The following PTPRD variants were observed in gnomAD, a reference collection of about 807,000 sequenced individuals.
The protein encoded by PTPRD is protein tyrosine phosphatase receptor type D.
In PTPRD, 34 loss-of-function variants were observed where a neutral mutation model predicts 214.5. The observed-to-expected ratio is 0.16, with a 90% CI of 0.12 to 0.21. The LOEUF is 0.21. PTPRD is among the 10% of genes least tolerant of loss of function. PTPRD has a pLI of 1.00. For missense variants in PTPRD, 2,545 were observed against 2,398.7 expected (o/e 1.06, Z -1.27); for synonymous variants, 1,128 against 845.7 (o/e 1.33, Z -5.79).
intron 7 of PTPRD, among the ~76,000 whole-genome samples, chr9:9,642,559 G>C (rs1391685532): frequency 1.3e-5 from 2 of 152,064 alleles, no homozygotes; most frequent in African/African-American, 4.8e-5. Context: ...CTCTGTAACT[G>C]TTTGCAGATA....
At chr9:10,135,984 G>A (rs1360702024) in intron 3 of PTPRD, among the ~76,000 whole-genome samples, 1 of 149,756 alleles carries the variant, frequency 6.7e-6, no homozygotes, top group Non-Finnish European at 1.5e-5. Flanking sequence ...TTGCCTTCAA[G>A]AGACCCACGT....
chr9:8,977,313 A>G (rs946178623), intron 11 of PTPRD, among the ~76,000 whole-genome samples: 2 of 152,038 alleles, frequency 1.3e-5, no homozygotes, highest in African/African-American at 4.8e-5. Context: ...TATCATCCCT[A>G]ATCAAAATAC....
intron 3 of PTPRD, among the ~76,000 whole-genome samples, chr9:10,279,651 T>TA (rs1319469929): frequency 6.6e-6 from 1 of 151,398 alleles, no homozygotes; most frequent in Non-Finnish European, 1.5e-5. Flanking sequence ...ATTTATTAGG[T>TA]ACCTAGGTAC....
chr9:10,308,033 AT>A (rs529687339), intron 3 of PTPRD, among the ~76,000 whole-genome samples: 12 of 150,956 alleles, frequency 7.9e-5, no homozygotes, highest in Admixed American at 4.0e-4. Flanking sequence ...CACTTTCTTG[AT>A]TTTTTTTCCC....
chr9:9,898,727 T>A (rs1198956836), intron 5 of PTPRD, among the ~76,000 whole-genome samples: 2 of 152,094 alleles, frequency 1.3e-5, no homozygotes, highest in African/African-American at 4.8e-5. Flanking sequence ...AAGTCTAGTT[T>A]AAGAAACCAT....
chr9:9,015,115 A>T (rs937747713), intron 11 of PTPRD, among the ~76,000 whole-genome samples: 5 of 151,962 alleles, frequency 3.3e-5, no homozygotes, highest in South Asian at 2.1e-4. Context: ...GATAGCTTTT[A>T]AAAAAATTAA....
chr9:8,877,477 CAAT>C (rs1325766789), intron 11 of PTPRD, among the ~76,000 whole-genome samples: 2 of 152,008 alleles, frequency 1.3e-5, no homozygotes, highest in South Asian at 2.1e-4. Context: ...GAATTCAGAG[CAAT>C]AATAAATTAA....
chr9:8,585,872 A>T (rs2093614604), intron 14 of PTPRD, among the ~76,000 whole-genome samples: 1 of 152,222 alleles, frequency 6.6e-6, no homozygotes, highest in African/African-American at 2.4e-5. Flanking sequence ...AAACATTGTT[A>T]TGGAGTCAGT....
chr9:9,902,666 G>A (rs1315547838), intron 5 of PTPRD, among the ~76,000 whole-genome samples: 3 of 152,092 alleles, frequency 2.0e-5, no homozygotes, highest in Non-Finnish European at 2.9e-5. Flanking sequence ...AGGTATTATT[G>A]ATAACACATT....
intron 2 of PTPRD, among the ~76,000 whole-genome samples, chr9:10,453,443 A>G (rs1339715541): frequency 6.6e-6 from 1 of 151,664 alleles, no homozygotes; most frequent in Non-Finnish European, 1.5e-5. Context: ...ATTCACAACC[A>G]TGGGATTTCT....
At chr9:9,203,248 A>C (rs555629532) in intron 9 of PTPRD, among the ~76,000 whole-genome samples, 65 of 150,714 alleles carry the variant, frequency 4.3e-4, no homozygotes, top group African/African-American at 1.5e-3. Context: ...CACACACACA[A>C]ACACACACAC....
chr9:8,558,215 T>A (rs2084754396), intron 14 of PTPRD, among the ~76,000 whole-genome samples: 1 of 152,246 alleles, frequency 6.6e-6, no homozygotes, highest in South Asian at 2.1e-4. Context: ...GGATCATTAA[T>A]TAGCTATTTC....
chr9:9,296,558 G>T (rs1953126205), intron 9 of PTPRD, among the ~76,000 whole-genome samples: 1 of 151,652 alleles, frequency 6.6e-6, no homozygotes, highest in Admixed American at 6.6e-5. Flanking sequence ...GAAAGAAATG[G>T]GGATAGAGTG....
chr9:9,505,348 T>G (rs369750108), intron 8 of PTPRD, among the ~76,000 whole-genome samples: 1 of 151,524 alleles, frequency 6.6e-6, no homozygotes, highest in African/African-American at 2.4e-5. Flanking sequence ...ATCGTGTTGG[T>G]CTACTTTGCC....
intron 10 of PTPRD, among the ~76,000 whole-genome samples, chr9:9,084,471 T>G (rs964178338): frequency 3.3e-5 from 5 of 152,072 alleles, no homozygotes; most frequent in African/African-American, 1.2e-4. Context: ...GTTGATGGGT[T>G]CAGCAAACCA....
At chr9:10,308,513 T>C (rs528388036) in intron 3 of PTPRD, among the ~76,000 whole-genome samples, 3 of 151,816 alleles carry the variant, frequency 2.0e-5, no homozygotes, top group African/African-American at 7.3e-5. Flanking sequence ...CCAGCTTTGT[T>C]CTTTGTGTTC....
In PTPRD at chr9:8,636,800, A is replaced by C; in HGVS notation, c.109T>G (p.Ser37Ala). 6.2e-7 allele frequency: 1 copy of C among 1,614,110 alleles called. No individual in the cohort carries two copies. The highest frequency in any genetic ancestry group is 8.5e-7 in the Non-Finnish European group (1 of 1,179,958). The change falls in exon 13 of 46, where the codon TCT becomes GCT. Residue 37 changes from serine to alanine, a missense_variant. Ser to Ala is a moderately conservative substitution (Grantham distance 99). Coordinates refer to ENST00000381196, the MANE Select transcript of PTPRD (RefSeq NM_002839.4). ...CAGATGAAAGAGGCAACTCCGCCAG[A>C]GACCCCTGTCTGATCAACGGGTGTT... is the stretch of plus-strand genomic sequence containing the variant. ...TRTPVDQTGV[S>A]GGVASFICQA...
chr9:9,276,811 T>C (rs770779645), intron 9 of PTPRD, among the ~76,000 whole-genome samples: 2 of 151,404 alleles, frequency 1.3e-5, no homozygotes, highest in Non-Finnish European at 3.0e-5. Flanking sequence ...AATTCTATAT[T>C]TCACTAACTA....
chr9:9,846,376 G>A (rs944711283), intron 5 of PTPRD, among the ~76,000 whole-genome samples: 5 of 152,066 alleles, frequency 3.3e-5, no homozygotes, highest in African/African-American at 9.7e-5. Flanking sequence ...CTTGTGACAA[G>A]TAAGCAACTT....
Sources: allele counts gnomAD v4.1 joint callset (sites outside exome capture counted in the v4.1 genomes callset), GRCh38; gene constraint gnomAD v4.1.1; transcripts MANE v1.5; gene names NCBI Gene and HGNC (gene_info 2026-07-23, HGNC 2026-07-21).